Variants in SMURF2 observed in about 807,000 individuals in gnomAD.
SMURF2 encodes the protein SMAD specific E3 ubiquitin protein ligase 2.
SMURF2 carries 48 observed loss-of-function variants against 109.6 expected under a neutral mutation model. The ratio of observed to expected loss-of-function variants is 0.44; its 90% CI spans 0.35 to 0.56. SMURF2 has a LOEUF of 0.56. Ranked by LOEUF, SMURF2 falls within the 20% of genes least tolerant of loss-of-function variation. The pLI is 0.01. For synonymous variants in SMURF2, 288 were observed against 317.1 expected (o/e 0.91, Z 0.97); for missense variants, 575 against 909.0 (o/e 0.63, Z 4.72).
chr17:64,597,091 T>C lies in SMURF2; in HGVS notation c.200+1291A>G, dbSNP rs542647427. ...GAGGCTTGTGTCATGAGAATGGGGA[T>C]GCTGAATACCAATTTTAAAAGCTGA... On this transcript the variant is annotated intron_variant, in intron 3 of 18. Transcript: ENST00000262435. Among the ~76,000 whole-genome samples, 4 of 152,278 alleles carry C rather than the reference T, an allele frequency of 2.6e-5. No individual in the cohort carries two copies. In the East Asian group the frequency reaches 5.8e-4, roughly 22 times the overall value.
At chr17:64,630,274 A>C (rs1555691478) in intron 1 of SMURF2, among the ~76,000 whole-genome samples, 1 of 152,156 alleles carries the variant, frequency 6.6e-6, no homozygotes, top group Non-Finnish European at 1.5e-5. Flanking sequence ...TTAAGTGGTT[A>C]GCAAAAATCC....
At chr17:64,604,872 A>G (rs1197499693) in intron 2 of SMURF2, among the ~76,000 whole-genome samples, 5 of 149,728 alleles carry the variant, frequency 3.3e-5, no homozygotes, top group Non-Finnish European at 7.4e-5. Flanking sequence ...TGAACCCGAG[A>G]GGTGGAGTTT....
chr17:64,645,124 C>A (rs1460105429), intron 1 of SMURF2, among the ~76,000 whole-genome samples: 15 of 151,810 alleles, frequency 9.9e-5, no homozygotes, highest in Admixed American at 3.3e-4. Context: ...CTTGGAGATA[C>A]AAGAGATTAT....
intron 4 of SMURF2, among the ~76,000 whole-genome samples, chr17:64,592,038 C>T (rs1488290122): frequency 6.6e-6 from 1 of 152,174 alleles, no homozygotes; most frequent in Non-Finnish European, 1.5e-5. Context: ...ACATTTTTCC[C>T]TTTGCAAAAT....
chr17:64,606,515 A>C, intron 2 of SMURF2, 87 bp downstream of exon 2: 10 of 946,562 alleles, frequency 1.1e-5, no homozygotes, highest in Non-Finnish European at 1.6e-5. Context: ...ACTTCTGAAT[A>C]GAGAAACCCC....
At chr17:64,613,909 G>A (rs1265328113) in intron 1 of SMURF2, among the ~76,000 whole-genome samples, 1 of 151,992 alleles carries the variant, frequency 6.6e-6, no homozygotes, top group Non-Finnish European at 1.5e-5. Context: ...TTGTTTTCCT[G>A]CAACTAGACA....
intron 1 of SMURF2, among the ~76,000 whole-genome samples, chr17:64,650,388 C>A (rs1970621419): frequency 6.6e-6 from 1 of 151,220 alleles, no homozygotes; most frequent in African/African-American, 2.4e-5. Context: ...TTAACGCTGT[C>A]ATTTTAAGCA....
intron 3 of SMURF2, 25 bp downstream of exon 3, chr17:64,598,357 T>C (rs1969846239): frequency 6.6e-7 from 1 of 1,513,420 alleles, no homozygotes; most frequent in South Asian, 1.2e-5. Flanking sequence ...ATATGTTCCA[T>C]TTCAAACTAA....
Position 64,580,810 on chromosome 17 carries a change from G to A in SMURF2, c.751C>T (p.Pro251Ser), listed in dbSNP as rs782161312. ...YMSRTHLHTP[P>S]DLPEGYEQRT... ...ATACCATAGCCTTCTGGTAGGTCTGGAGGAGTATGTAAATGTGTTCTGCTC... is the reference window on the plus strand; with the variant it reads ...ATACCATAGCCTTCTGGTAGGTCTGAAGGAGTATGTAAATGTGTTCTGCTC... The change falls in exon 8 of 19, where the codon CCA becomes TCA. Residue 251 changes from proline (P) to serine (S), a missense_variant. Coordinates refer to ENST00000262435, the MANE Select transcript of SMURF2 (RefSeq NM_022739.4). The A allele has an allele frequency of 1.7e-5, 27 of 1,614,088 alleles. 1 individual carries two copies. In the South Asian group the frequency reaches 3.0e-4, roughly 18 times the overall value.
At chr17:64,621,651 G>A (rs1384465026) in intron 1 of SMURF2, among the ~76,000 whole-genome samples, 2 of 149,936 alleles carry the variant, frequency 1.3e-5, no homozygotes, top group Non-Finnish European at 3.0e-5. Context: ...CGAGGTGGGT[G>A]GATCACAATG....
chr17:64,620,731 A>G (rs984181956), intron 1 of SMURF2, among the ~76,000 whole-genome samples: 1 of 152,114 alleles, frequency 6.6e-6, no homozygotes, highest in Non-Finnish European at 1.5e-5. Context: ...AAAGTTATTC[A>G]TGTGATGTCT....
At position 64,562,832 on chromosome 17, in the gene SMURF2, G is replaced by C. The variant is rs1555684648; in HGVS notation, c.1151C>G (p.Ser384Cys). ...ATGACCTGCCTGAGGCTGTTGTTGGGAAAGTTCTTGCCGCAAAATTTTTAG... is the reference window on the plus strand; with the variant it reads ...ATGACCTGCCTGAGGCTGTTGTTGGCAAAGTTCTTGCCGCAAAATTTTTAG... ...QKLKILRQEL[S>C]QQQPQAGHCR... Residue 384 changes from serine (S) to cysteine (C), a missense_variant, in exon 11 of 19, where the codon TCC becomes TGC. Physicochemically the swap from Ser to Cys is moderately radical, Grantham distance 112. Around this residue, in one of 5 missense-constraint regions of SMURF2, gnomAD observed 361 missense variants for 612.1 expected, o/e 0.59. Coordinates refer to ENST00000262435, the MANE Select transcript of SMURF2 (RefSeq NM_022739.4). 1.9e-6 allele frequency: 3 copies of C among 1,614,134 alleles called. No individual in the cohort carries two copies. The highest frequency in any genetic ancestry group is 1.1e-5 in the South Asian group (1 of 91,088).
intron 1 of SMURF2, among the ~76,000 whole-genome samples, chr17:64,617,227 A>G (rs1970139159): frequency 6.6e-6 from 1 of 152,112 alleles, no homozygotes; most frequent in African/African-American, 2.4e-5. Context: ...ATTTACCTCA[A>G]CAATCATATT....
At chr17:64,582,914 T>C (rs1276307924) in intron 7 of SMURF2, among the ~76,000 whole-genome samples, 2 of 151,446 alleles carry the variant, frequency 1.3e-5, no homozygotes, top group South Asian at 2.1e-4. Context: ...TTTTTTTTTT[T>C]TGGGGACAGA....
At chr17:64,563,310 C>A in intron 10 of SMURF2, 1 of 171,480 alleles carries the variant, frequency 5.8e-6, no homozygotes, top group Non-Finnish European at 1.2e-5. Context: ...TGCTTGTTAT[C>A]TAGACTCTTT....
intron 1 of SMURF2, among the ~76,000 whole-genome samples, chr17:64,626,782 A>G (rs1970274096): frequency 6.6e-6 from 1 of 151,784 alleles, no homozygotes; most frequent in Non-Finnish European, 1.5e-5. Flanking sequence ...ACAAAACAAA[A>G]CAAAACTTAC....
At chr17:64,659,027 T>C (rs1048304168) in intron 1 of SMURF2, among the ~76,000 whole-genome samples, 3 of 152,184 alleles carry the variant, frequency 2.0e-5, no homozygotes, top group Non-Finnish European at 2.9e-5. Flanking sequence ...CTTCTTAGCA[T>C]TGACAAATAC....
intron 9 of SMURF2, among the ~76,000 whole-genome samples, chr17:64,576,815 AC>A (rs1305735511): frequency 1.4e-5 from 2 of 147,700 alleles, no homozygotes; most frequent in African/African-American, 5.0e-5. Flanking sequence ...TCAACCTACT[AC>A]CCGTTTTTAA....
intron 9 of SMURF2, among the ~76,000 whole-genome samples, chr17:64,578,187 GC>G (rs1555686223): frequency 6.6e-6 from 1 of 151,620 alleles, no homozygotes; most frequent in Non-Finnish European, 1.5e-5. Flanking sequence ...CTCATGATCT[GC>G]CCACCTTGGC....
Sources: allele counts gnomAD v4.1 joint callset (sites outside exome capture counted in the v4.1 genomes callset), GRCh38; gene constraint gnomAD v4.1.1; regional missense constraint gnomAD v4.1.1; transcripts MANE v1.5; gene names NCBI Gene and HGNC (gene_info 2026-07-23, HGNC 2026-07-21).